The following GRIN2D variants were observed in gnomAD, a reference collection of about 807,000 sequenced individuals.
The protein encoded by GRIN2D is glutamate receptor ionotropic, NMDA 2D.
In GRIN2D, 37 loss-of-function variants were observed where a neutral mutation model predicts 103.2. The observed-to-expected ratio is 0.36, with a 90% CI of 0.28 to 0.47. The LOEUF is 0.47. Among genes scored for constraint, GRIN2D ranks in the 20% least tolerant of loss-of-function variants. The pLI is 1.00. For missense variants in GRIN2D, 1,557 were observed against 1,910.6 expected (o/e 0.81, Z 3.45); for synonymous variants, 845 against 885.6 (o/e 0.95, Z 0.81).
chr19:48,441,438 C>CTA (rs1256112942), intron 11 of GRIN2D, among the ~76,000 whole-genome samples: 1 of 151,352 alleles, frequency 6.6e-6, no homozygotes, highest in Non-Finnish European at 1.5e-5. Flanking sequence ...GCATGAGGTA[C>CTA]TATCTAAGCT....
Position 48,443,848 on chromosome 19 carries a change from C to T in GRIN2D, c.3922C>T (p.Pro1308Ser). 6.7e-7 allele frequency: 1 copy of T among 1,484,662 alleles called. No individual in the cohort carries two copies. Among genetic ancestry groups the T allele is most frequent in the Non-Finnish European group, 8.9e-7 (1 of 1,125,744 alleles). The allele number at this position is 1,484,662 out of a possible 1,614,324, so 92.0% of individuals were successfully genotyped here. A position where few individuals can be genotyped will look rare whatever the true frequency, so the allele number is the denominator to read the frequency against. Residue 1308 changes from proline to serine, a missense_variant, in exon 14 of 14, where the codon CCC (proline) becomes TCC (serine). Physicochemically the swap from Pro to Ser is moderately conservative, Grantham distance 74. This residue lies in a region of GRIN2D where 88 missense variants were observed against 84.3 expected (regional missense o/e 1.04). Transcript: ENST00000263269. The surrounding 1 kb of genome is among the most constrained non-coding windows in gnomAD (Gnocchi z 8.9). ...CGCCGCGCACTGGGGGCCGCCGCTG[C>T]CCACAGCTTCCCACCGGAGACACCG... Reference protein sequence around the residue: ...PHAAHWGPPLPTASHRRHRGG... With the variant: ...PHAAHWGPPLSTASHRRHRGG...
At chr19:48,420,903 C>G (rs1971015079) in intron 10 of GRIN2D, among the ~76,000 whole-genome samples, 1 of 152,198 alleles carries the variant, frequency 6.6e-6, no homozygotes, top group Non-Finnish European at 1.5e-5. Flanking sequence ...TCAAATCACT[C>G]TAAATGCTCA....
intron 11 of GRIN2D, among the ~76,000 whole-genome samples, chr19:48,425,453 G>A (rs1454176483): frequency 2.6e-5 from 4 of 152,126 alleles, no homozygotes; most frequent in African/African-American, 9.7e-5. Flanking sequence ...TGTTGGTCAG[G>A]CTGGTCTTGA....
At position 48,421,155 on chromosome 19, in the gene GRIN2D, G is replaced by A. The variant is rs185302058; in HGVS notation, c.2092-630G>A. Among the ~76,000 whole-genome samples the A allele has an allele frequency of 2.0e-3, 310 of 152,190 alleles. 1 individual carries two copies. Among genetic ancestry groups the A allele is most frequent in the African/African-American group, 7.0e-3 (292 of 41,520 alleles). ...CAAAACTTGTTTTAGTTGTCTGGGC[G>A]CGGTGGCTTATGCCTGTAATCCCAG... On this transcript the variant is annotated intron_variant, in intron 10 of 13. Coordinates refer to ENST00000263269, the MANE Select transcript of GRIN2D (RefSeq NM_000836.4). This position sits in a 1 kb window ranked among gnomAD's most constrained non-coding sequence, Gnocchi z 4.8.
intron 3 of GRIN2D, among the ~76,000 whole-genome samples, chr19:48,403,596 G>GAGAAC (rs1227283302): frequency 6.6e-6 from 1 of 152,148 alleles, no homozygotes; most frequent in East Asian, 1.9e-4. Flanking sequence ...GAATAGAGAA[G>GAGAAC]AGAACAGTAA....
At position 48,442,793 on chromosome 19, in the gene GRIN2D, G is replaced by A; in HGVS notation, c.2867G>A (p.Gly956Asp). Residue 956 changes from glycine to aspartate, a missense_variant, in exon 14 of 14, where the codon GGC (glycine) becomes GAC (aspartate). By Grantham distance (94) the Gly-to-Asp change is moderately conservative (BLOSUM62 -1). Coordinates refer to ENST00000263269, the MANE Select transcript of GRIN2D (RefSeq NM_000836.4). The surrounding 1 kb of genome is among the most constrained non-coding windows in gnomAD (Gnocchi z 7.2). Reference protein sequence around the residue: ...TKGAGPPGGAGLADGFHRYYG... With the variant: ...TKGAGPPGGADLADGFHRYYG... ...GGCGCGGGGCCGCCGGGGGGCGCGG[G>A]CCTGGCCGACGGCTTCCACCGCTAC... is the stretch of plus-strand genomic sequence containing the variant. 1 of 1,072,674 alleles carries A rather than the reference G, an allele frequency of 9.3e-7. No individual in the cohort carries two copies. Among genetic ancestry groups the A allele is most frequent in the South Asian group, 3.8e-5 (1 of 26,518 alleles). 66.4% of individuals were successfully genotyped at this position (1,072,674 alleles called of 1,614,324 possible).
In GRIN2D at chr19:48,421,971, G is replaced by C. The variant is rs1971030730; in HGVS notation, c.2252+26G>C. Reference sequence around the variant, plus strand: ...GTCAGCGCAGACTCGGGCCGGGGGTGGGGGTTGGGCCGCTGGGGACCTGAG... The same window carrying C: ...GTCAGCGCAGACTCGGGCCGGGGGTCGGGGTTGGGCCGCTGGGGACCTGAG... On this transcript the variant is annotated intron_variant, in intron 11 of 13. Transcript: ENST00000263269. This position sits in a 1 kb window ranked among gnomAD's most constrained non-coding sequence, Gnocchi z 4.8. 2 of 1,608,868 alleles carry C rather than the reference G, an allele frequency of 1.2e-6. No homozygotes were observed. The highest frequency in any genetic ancestry group is 1.7e-6 in the Non-Finnish European group (2 of 1,176,506).
At chr19:48,441,639 T>C (rs1971292681) in intron 11 of GRIN2D, 130 bp from the exon 12 acceptor site, 2 of 659,762 alleles carry the variant, frequency 3.0e-6, no homozygotes, top group Admixed American at 2.9e-5. Flanking sequence ...AGAAGTGCAA[T>C]GATTTGCTCA....
intron 11 of GRIN2D, among the ~76,000 whole-genome samples, chr19:48,424,494 T>C (rs796614967): frequency 6.6e-6 from 1 of 151,192 alleles, no homozygotes; most frequent in East Asian, 2.0e-4. Context: ...ATGGTCTCGA[T>C]CTCCTGACCT....
At chr19:48,434,581 C>T (rs1443883327) in intron 11 of GRIN2D, among the ~76,000 whole-genome samples, 1 of 151,620 alleles carries the variant, frequency 6.6e-6, no homozygotes, top group Non-Finnish European at 1.5e-5. Flanking sequence ...TTCTTTCGAA[C>T]TTCTTTTTTA....
rs1278141599 is a variant in GRIN2D at position 48,404,919 on chromosome 19, C to T, written c.651C>T (p.His217=). 6.2e-7 allele frequency: 1 copy of T among 1,613,774 alleles called. No individual in the cohort carries two copies. The highest frequency in any genetic ancestry group is 8.5e-7 in the Non-Finnish European group (1 of 1,180,008). The change falls in exon 4 of 14, where the codon CAC becomes CAT. Residue 217 remains histidine (H), a synonymous_variant. Coordinates refer to ENST00000263269, the MANE Select transcript of GRIN2D (RefSeq NM_000836.4). ...ACGGTAGTCTGGTGGGCTGGGAGCACCGCGGAGCGCTGACGCTGGACCCTG... is the reference window on the plus strand; with the variant it reads ...ACGGTAGTCTGGTGGGCTGGGAGCATCGCGGAGCGCTGACGCTGGACCCTG... ...LTDGSLVGWE[H]RGALTLDPGA...
At position 48,442,729 on chromosome 19, in the gene GRIN2D, C is replaced by A; in HGVS notation, c.2803C>A (p.Arg935Ser). 1 of 1,111,824 alleles carries A rather than the reference C, an allele frequency of 9.0e-7. No individual in the cohort carries two copies. The highest frequency in any genetic ancestry group is 3.4e-5 in the South Asian group (1 of 29,514). The allele number at this position is 1,111,824 out of a possible 1,614,324, so 68.9% of individuals were successfully genotyped here. ...PAPGPAPFVP[R>S]ERASVDRWRR... ...TCCCGGGCCCGCACCTTTCGTGCCC[C>A]GCGAGCGCGCCTCAGTGGACCGCTG... Residue 935 changes from arginine to serine, a missense_variant, in exon 14 of 14, where the codon CGC becomes AGC. Around this residue, in one of 7 missense-constraint regions of GRIN2D, gnomAD observed 632 missense variants for 572.8 expected, o/e 1.10. Transcript: ENST00000263269. This position sits in a 1 kb window ranked among gnomAD's most constrained non-coding sequence, Gnocchi z 7.2.
At chr19:48,401,285 A>G (rs1046702706) in intron 3 of GRIN2D, among the ~76,000 whole-genome samples, 1 of 152,098 alleles carries the variant, frequency 6.6e-6, no homozygotes. Context: ...GAGGGAGACA[A>G]GGTCCCTGCC....
intron 2 of GRIN2D, among the ~76,000 whole-genome samples, chr19:48,395,699 A>G (rs943607590): frequency 2.6e-5 from 4 of 151,906 alleles, no homozygotes; most frequent in African/African-American, 9.7e-5. Context: ...TGCTATGTAC[A>G]GGATCTAAGT....
Position 48,427,674 on chromosome 19 carries a change from T to C in GRIN2D, c.2252+5729T>C, listed in dbSNP as rs555359409. On this transcript the variant is annotated intron_variant, in intron 11 of 13. Transcript: ENST00000263269. ...TTGTATTTTTAGTAGAGATGGGGTT[T>C]CACCATCTTGGCCAGGTTGATCCAC... Among the ~76,000 whole-genome samples, 707 of 151,910 alleles carry C rather than the reference T, an allele frequency of 4.7e-3. 5 individuals carry two copies. Among genetic ancestry groups the C allele is most frequent in the African/African-American group, 0.016 (670 of 41,442 alleles).
chr19:48,442,963 G>A lies in GRIN2D; in HGVS notation c.3037G>A (p.Asp1013Asn). The change falls in exon 14 of 14, where the codon GAC becomes AAC. Residue 1013 changes from aspartate (D) to asparagine (N), a missense_variant. By Grantham distance (23) the Asp-to-Asn change is conservative (BLOSUM62 1). Transcript: ENST00000263269. This position sits in a 1 kb window ranked among gnomAD's most constrained non-coding sequence, Gnocchi z 7.2. ...GCCCTCCTATTTCGCCATCGTACGC[G>A]ACAAGGAGCCAGCCGAGCCCCCCGC... ...PPPSYFAIVRDKEPAEPPAGA... is the reference protein window; with the variant it reads ...PPPSYFAIVRNKEPAEPPAGA... 1 of 1,139,976 alleles carries A rather than the reference G, an allele frequency of 8.8e-7. No individual in the cohort carries two copies. The highest frequency in any genetic ancestry group is 3.7e-5 in the Admixed American group (1 of 26,674). The allele number at this position is 1,139,976 out of a possible 1,614,324, so 70.6% of individuals were successfully genotyped here. A position where few individuals can be genotyped will look rare whatever the true frequency, so the allele number is the denominator to read the frequency against.
In GRIN2D at chr19:48,442,863, AGC is replaced by A; in HGVS notation, c.2945_2946del (p.Ala982GlyfsTer349). 9.2e-7 allele frequency: 1 copy of A among 1,082,254 alleles called. No homozygotes were observed. The highest frequency in any genetic ancestry group is 1.1e-6 in the Non-Finnish European group (1 of 894,952). 67.0% of individuals were successfully genotyped at this position (1,082,254 alleles called of 1,614,324 possible). A position where few individuals can be genotyped will look rare whatever the true frequency, so the allele number is the denominator to read the frequency against. On this transcript the variant is annotated frameshift_variant, in exon 14 of 14. Transcript: ENST00000263269. LOFTEE classifies it high-confidence loss of function. The surrounding 1 kb of genome is among the most constrained non-coding windows in gnomAD (Gnocchi z 7.2). ...PQGLGLGLGE[A>X]RAAPRGAAGR... ...AGGGCCTAGGCCTCGGCCTGGGCGA[AGC>A]GCGCGCGGCACCGCGGGGCGCAGCC...
At chr19:48,398,927 C>A in intron 3 of GRIN2D, 70 bp downstream of exon 3, 2 of 1,169,124 alleles carry the variant, frequency 1.7e-6, no homozygotes, top group Non-Finnish European at 2.2e-6. Flanking sequence ...GGGACTGGGA[C>A]AGCCAGCGGG....
At chr19:48,420,634 T>C (rs551580651) in intron 10 of GRIN2D, among the ~76,000 whole-genome samples, 2 of 152,076 alleles carry the variant, frequency 1.3e-5, no homozygotes, top group Admixed American at 1.3e-4. Flanking sequence ...GAGACCAGCC[T>C]GGCCAACATA....
Sources: allele counts gnomAD v4.1 joint callset (sites outside exome capture counted in the v4.1 genomes callset), GRCh38; gene constraint gnomAD v4.1.1; regional missense constraint gnomAD v4.1.1; non-coding constraint Gnocchi (gnomAD v3.1); transcripts MANE v1.5; gene names NCBI Gene and HGNC (gene_info 2026-07-23, HGNC 2026-07-21).